Variants in GALNT17 observed in about 807,000 individuals in gnomAD.
GALNT17 encodes UDP-GalNAc:polypeptide N-acetylgalactosaminyltransferase-like 3.
A neutral mutation model predicts 63.7 loss-of-function variants in GALNT17; 29 were observed. That is an observed-to-expected ratio of 0.46 (90% CI 0.34 to 0.62). The LOEUF is 0.62. Among genes scored for constraint, GALNT17 ranks in the 20% least tolerant of loss-of-function variants. The pLI is 0.01. For missense variants in GALNT17, 603 were observed against 799.6 expected (o/e 0.75, Z 2.97); for synonymous variants, 305 against 318.3 (o/e 0.96, Z 0.45).
At chr7:71,661,039 A>C (rs1171713487) in intron 6 of GALNT17, among the ~76,000 whole-genome samples, 1 of 152,210 alleles carries the variant, frequency 6.6e-6, no homozygotes, top group Non-Finnish European at 1.5e-5. Context: ...CTGCAGATCC[A>C]TGGAGCTTCC....
chr7:71,539,486 GAT>G (rs1562682161), intron 5 of GALNT17, among the ~76,000 whole-genome samples: 3 of 152,128 alleles, frequency 2.0e-5, no homozygotes, highest in African/African-American at 7.2e-5. Context: ...CCTTTACAAA[GAT>G]GTGTGTGCGT....
rs114576920 is a variant in GALNT17 at position 71,569,828 on chromosome 7, C to G, written c.963-1457C>G. Among the ~76,000 whole-genome samples the G allele has an allele frequency of 3.4e-3, 522 of 152,164 alleles. 2 individuals are homozygous for G. Among genetic ancestry groups the G allele is most frequent in the African/African-American group, 0.012 (512 of 41,544 alleles). On this transcript the variant is annotated intron_variant, in intron 5 of 10. Coordinates refer to ENST00000333538, the MANE Select transcript of GALNT17 (RefSeq NM_022479.3). Reference sequence around the variant, plus strand: ...CATGATTTTGCTATTGTGAATATTGCTGCAATGAACGTAGGAATACAGGTG... The same window carrying G: ...CATGATTTTGCTATTGTGAATATTGGTGCAATGAACGTAGGAATACAGGTG...
At chr7:71,228,166 C>T (rs1417026122) in intron 1 of GALNT17, among the ~76,000 whole-genome samples, 1 of 152,092 alleles carries the variant, frequency 6.6e-6, no homozygotes, top group Non-Finnish European at 1.5e-5. Context: ...GGAAGGGGCC[C>T]ACACACAGCC....
chr7:71,291,737 C>G (rs1459970271), intron 1 of GALNT17, among the ~76,000 whole-genome samples: 1 of 152,098 alleles, frequency 6.6e-6, no homozygotes, highest in Non-Finnish European at 1.5e-5. Flanking sequence ...TTTTGATTAT[C>G]TCTTGATTTT....
chr7:71,179,083 A>G (rs1788690238), intron 1 of GALNT17, among the ~76,000 whole-genome samples: 1 of 152,172 alleles, frequency 6.6e-6, no homozygotes, highest in South Asian at 2.1e-4. Context: ...ATGTGAAAGG[A>G]AAATACCCTG....
chr7:71,349,827 C>A (rs1792159918), intron 2 of GALNT17, among the ~76,000 whole-genome samples: 1 of 152,120 alleles, frequency 6.6e-6, no homozygotes, highest in Non-Finnish European at 1.5e-5. Context: ...TTTATGAACA[C>A]AAATGAAGTT....
intron 2 of GALNT17, among the ~76,000 whole-genome samples, chr7:71,356,230 G>C (rs1168104793): frequency 6.6e-6 from 1 of 151,778 alleles, no homozygotes; most frequent in East Asian, 2.0e-4. Flanking sequence ...CTCTTGCCTT[G>C]GCCTCCCAAA....
At chr7:71,614,271 C>T (rs10266308) in intron 6 of GALNT17, among the ~76,000 whole-genome samples, 1 of 150,362 alleles carries the variant, frequency 6.7e-6, no homozygotes, top group Non-Finnish European at 1.5e-5. Context: ...GCTCCAAAAT[C>T]TGAAACTTTT....
intron 6 of GALNT17, among the ~76,000 whole-genome samples, chr7:71,634,902 C>T (rs920961929): frequency 6.6e-6 from 1 of 151,890 alleles, no homozygotes; most frequent in Non-Finnish European, 1.5e-5. Context: ...TATCTGAAGA[C>T]CTGGGATCCA....
At chr7:71,664,132 G>A (rs916521192) in intron 6 of GALNT17, among the ~76,000 whole-genome samples, 2 of 151,212 alleles carry the variant, frequency 1.3e-5, no homozygotes, top group African/African-American at 4.9e-5. Flanking sequence ...CCATCCCCAT[G>A]CAGAGGGATG....
At chr7:71,226,476 A>T (rs998041392) in intron 1 of GALNT17, among the ~76,000 whole-genome samples, 1 of 151,468 alleles carries the variant, frequency 6.6e-6, no homozygotes, top group African/African-American at 2.4e-5. Flanking sequence ...CCACTGGGGC[A>T]TGATGAGGTT....
At chr7:71,318,145 A>T (rs536612236) in intron 1 of GALNT17, among the ~76,000 whole-genome samples, 2 of 152,172 alleles carry the variant, frequency 1.3e-5, no homozygotes, top group East Asian at 3.9e-4. Flanking sequence ...GCCTCAAGTG[A>T]TCTTCCCACC....
chr7:71,551,750 C>G lies in GALNT17; in HGVS notation c.963-19535C>G, dbSNP rs1245439072. Among the ~76,000 whole-genome samples, 3 of 123,690 alleles carry G rather than the reference C, an allele frequency of 2.4e-5. No homozygotes were observed. The East Asian group carries it at 6.4e-4, about 26-fold the overall frequency. 81.1% of individuals were successfully genotyped at this position (123,690 alleles called of 152,430 possible). On this transcript the variant is annotated intron_variant, in intron 5 of 10. Transcript: ENST00000333538. ...TCCAGCCTAGGGGACAGAGTGAGAC[C>G]CTGTCTCAAAAAAAAAAAAAAAAGA...
intron 9 of GALNT17, among the ~76,000 whole-genome samples, chr7:71,683,734 G>A (rs796452977): frequency 7.9e-5 from 12 of 152,238 alleles, no homozygotes; most frequent in African/African-American, 2.4e-4. Context: ...AAGGCTGGGC[G>A]CACTGGCTCA....
chr7:71,378,120 G>A (rs996969571), intron 2 of GALNT17, among the ~76,000 whole-genome samples: 4 of 152,156 alleles, frequency 2.6e-5, no homozygotes, highest in African/African-American at 9.7e-5. Context: ...TGACTAATAG[G>A]CAGGACACAC....
chr7:71,709,152 G>T (rs192616333), intron 9 of GALNT17, among the ~76,000 whole-genome samples: 1 of 152,168 alleles, frequency 6.6e-6, no homozygotes, highest in Non-Finnish European at 1.5e-5. Context: ...TTCCACAGTG[G>T]ATGAACTAAT....
At chr7:71,568,352 G>A (rs572934338) in intron 5 of GALNT17, among the ~76,000 whole-genome samples, 12 of 152,298 alleles carry the variant, frequency 7.9e-5, no homozygotes, top group African/African-American at 1.7e-4. Context: ...CGAGATGTGC[G>A]TGGAAAGTGC....
intron 6 of GALNT17, among the ~76,000 whole-genome samples, chr7:71,607,553 TAG>T (rs1448717167): frequency 6.6e-6 from 1 of 152,162 alleles, no homozygotes; most frequent in East Asian, 1.9e-4. Flanking sequence ...ATAAAACTGT[TAG>T]AAAACATGAC....
At chr7:71,449,195 C>A (rs1404060072) in intron 5 of GALNT17, among the ~76,000 whole-genome samples, 1 of 133,448 alleles carries the variant, frequency 7.5e-6, no homozygotes, top group African/African-American at 2.8e-5. Context: ...TCACTGCAGC[C>A]CCCACCTACC....
Sources: gnomAD v4.1 joint callset for allele counts (sites outside exome capture counted in the v4.1 genomes callset) on GRCh38, gnomAD v4.1.1 for gene constraint, MANE v1.5 for transcripts, NCBI Gene and HGNC (gene_info 2026-07-23, HGNC 2026-07-21) for gene names.